Variants in CAMK1D observed in about 807,000 individuals in gnomAD.
The protein encoded by CAMK1D is calcium/calmodulin-dependent protein kinase type 1D.
In CAMK1D, 9 loss-of-function variants were observed where a neutral mutation model predicts 47.7. The ratio of observed to expected loss-of-function variants is 0.19; its 90% CI spans 0.11 to 0.33. The LOEUF (loss-of-function observed/expected upper bound fraction) is 0.33, where lower values mean the gene tolerates loss of function less well. Among genes scored for constraint, CAMK1D ranks in the 10% least tolerant of loss-of-function variants. CAMK1D has a pLI of 1.00. For synonymous variants in CAMK1D, 184 were observed against 184.9 expected, an observed-to-expected ratio of 0.99 and a Z score of 0.04; for missense variants, 291 against 488.7, an observed-to-expected ratio of 0.60 and a Z score of 3.81.
In CAMK1D at chr10:12,606,187, C is replaced by CGGGGG. The variant is rs143958455; in HGVS notation, c.224+52831_224+52832insGGGGG. Among the ~76,000 whole-genome samples, 113 of 152,278 alleles carry CGGGGG rather than the reference C, an allele frequency of 7.4e-4. 1 individual carries two copies. The highest frequency in any genetic ancestry group is 2.5e-3 in the African/African-American group (102 of 41,532). ...CATCCTCCTGTGAGCCGCGGCTGCT[C>CGGGGG]AGGGACCACAGGGGAGGGAGCGCGG... is the stretch of plus-strand genomic sequence containing the variant. On this transcript the variant is annotated intron_variant, in intron 2 of 10. Coordinates refer to ENST00000619168, the MANE Select transcript of CAMK1D (RefSeq NM_153498.4).
chr10:12,561,819 C>A (rs1836952881), intron 2 of CAMK1D, among the ~76,000 whole-genome samples: 1 of 152,194 alleles, frequency 6.6e-6, no homozygotes, highest in East Asian at 1.9e-4. Context: ...CAATGCATTT[C>A]TGTTAATTTC....
chr10:12,564,730 T>G (rs1341120661), intron 2 of CAMK1D, among the ~76,000 whole-genome samples: 1 of 152,230 alleles, frequency 6.6e-6, no homozygotes, highest in African/African-American at 2.4e-5. Context: ...ATGATATGGA[T>G]AAGTAGGAGG....
intron 1 of CAMK1D, among the ~76,000 whole-genome samples, chr10:12,443,121 C>T (rs958704438): frequency 6.6e-6 from 1 of 151,974 alleles, no homozygotes; most frequent in African/African-American, 2.4e-5. Context: ...ATCCATGTAT[C>T]TAAGGACTCT....
chr10:12,556,825 T>A (rs75011388), intron 2 of CAMK1D, among the ~76,000 whole-genome samples: 2 of 152,222 alleles, frequency 1.3e-5, no homozygotes, highest in South Asian at 4.1e-4. Context: ...AAGAATGGAC[T>A]GGGGGGCCAG....
chr10:12,569,758 G>A (rs770926214), intron 2 of CAMK1D, among the ~76,000 whole-genome samples: 6 of 149,114 alleles, frequency 4.0e-5, no homozygotes, highest in East Asian at 3.9e-4. Context: ...TGTGGTGAAC[G>A]TATTACAAAA....
At chr10:12,765,173 T>C (rs532121056) in intron 4 of CAMK1D, among the ~76,000 whole-genome samples, 1 of 152,228 alleles carries the variant, frequency 6.6e-6, no homozygotes, top group African/African-American at 2.4e-5. Context: ...ACAAAATTAA[T>C]GTCACAGTGA....
chr10:12,666,643 T>A (rs986673474), intron 2 of CAMK1D, 93 bp from the exon 3 acceptor site: 1 of 996,584 alleles, frequency 1.0e-6, no homozygotes, highest in Admixed American at 2.1e-5. Flanking sequence ...GTTTGGATTC[T>A]GTTTTGTAAC....
At chr10:12,733,582 C>T (rs908154657) in intron 3 of CAMK1D, among the ~76,000 whole-genome samples, 9 of 152,202 alleles carry the variant, frequency 5.9e-5, no homozygotes, top group Non-Finnish European at 1.2e-4. Context: ...AACCATTCCA[C>T]AGCGTGTATA....
intron 1 of CAMK1D, among the ~76,000 whole-genome samples, chr10:12,507,974 C>G (rs1564379728): frequency 6.6e-6 from 1 of 152,282 alleles, no homozygotes; most frequent in South Asian, 2.1e-4. Context: ...TCTGAATGCC[C>G]TGGGAAGCTT....
intron 1 of CAMK1D, among the ~76,000 whole-genome samples, chr10:12,454,374 A>C (rs2132039069): frequency 6.6e-6 from 1 of 152,072 alleles, no homozygotes; most frequent in Non-Finnish European, 1.5e-5. Context: ...GTGTTAGCCA[A>C]GATGGTCTCA....
chr10:12,501,838 A>G (rs1834713988), intron 1 of CAMK1D, among the ~76,000 whole-genome samples: 1 of 130,892 alleles, frequency 7.6e-6, no homozygotes, highest in Non-Finnish European at 1.6e-5. Context: ...GAACCCTGGT[A>G]TGTCTCAAGG....
At chr10:12,418,102 C>T (rs117190014) in intron 1 of CAMK1D, among the ~76,000 whole-genome samples, 131 of 152,256 alleles carry the variant, frequency 8.6e-4, no homozygotes, top group Non-Finnish European at 1.7e-3. Context: ...CGCCTGGCCT[C>T]GATGCTCTTT....
intron 2 of CAMK1D, among the ~76,000 whole-genome samples, chr10:12,584,981 T>A (rs1837772930): frequency 6.6e-6 from 1 of 151,994 alleles, no homozygotes; most frequent in Admixed American, 6.6e-5. Flanking sequence ...AATAAGCAAG[T>A]CACATATAGA....
chr10:12,809,018 G>A (rs1240662945), intron 6 of CAMK1D, among the ~76,000 whole-genome samples: 1 of 151,836 alleles, frequency 6.6e-6, no homozygotes, highest in Admixed American at 6.6e-5. Context: ...GCAGGAGGCT[G>A]AGGCAGGAGA....
chr10:12,582,079 G>A (rs1292853292), intron 2 of CAMK1D, among the ~76,000 whole-genome samples: 2 of 152,104 alleles, frequency 1.3e-5, no homozygotes, highest in African/African-American at 4.8e-5. Context: ...AGCGAGGGAT[G>A]AGGATCTAGT....
intron 3 of CAMK1D, among the ~76,000 whole-genome samples, chr10:12,752,657 C>G (rs1836042179): frequency 6.6e-6 from 1 of 152,194 alleles, no homozygotes; most frequent in Non-Finnish European, 1.5e-5. Context: ...TTAAAGGCAT[C>G]TTTTAGGCTT....
intron 2 of CAMK1D, among the ~76,000 whole-genome samples, chr10:12,583,663 G>A (rs7913613): frequency 0.031 from 4,681 of 150,554 alleles, 237 homozygotes; most frequent in African/African-American, 0.11. Flanking sequence ...GTGCAGTGGC[G>A]CGATCTCAGC....
At chr10:12,505,321 TCAAGGATGC>T (rs1378044087) in intron 1 of CAMK1D, among the ~76,000 whole-genome samples, 1 of 152,194 alleles carries the variant, frequency 6.6e-6, no homozygotes, top group African/African-American at 2.4e-5. Flanking sequence ...CTCTTTTCTC[TCAAGGATGC>T]CAAGGAAGTG....
intron 3 of CAMK1D, among the ~76,000 whole-genome samples, chr10:12,667,123 G>T (rs990531912): frequency 3.3e-5 from 5 of 152,178 alleles, no homozygotes; most frequent in African/African-American, 1.2e-4. Context: ...GTGGCTGCCT[G>T]AAGACACTTC....
Sources: gnomAD v4.1 joint callset for allele counts (sites outside exome capture counted in the v4.1 genomes callset) on GRCh38, gnomAD v4.1.1 for gene constraint, MANE v1.5 for transcripts, NCBI Gene and HGNC (gene_info 2026-07-23, HGNC 2026-07-21) for gene names.